The following DLGAP1 variants were observed in gnomAD, a reference collection of about 807,000 sequenced individuals.
DLGAP1 encodes the protein DLG associated protein 1.
A neutral mutation model predicts 90.8 loss-of-function variants in DLGAP1; 11 were observed. The observed-to-expected ratio is 0.12, with a 90% CI of 0.08 to 0.20. DLGAP1 has a LOEUF of 0.20. DLGAP1 is among the 10% of genes least tolerant of loss of function. The probability of loss-of-function intolerance (pLI) is 1.00; values close to 1 mark genes in which losing one functional copy is unlikely to be tolerated. For synonymous variants in DLGAP1, 558 were observed against 540.7 expected (o/e 1.03, Z -0.44); for missense variants, 1,050 against 1,333.8 (o/e 0.79, Z 3.31).
At chr18:4,438,731 T>C (rs1433240726) in intron 1 of DLGAP1, among the ~76,000 whole-genome samples, 1 of 152,180 alleles carries the variant, frequency 6.6e-6, no homozygotes, top group Non-Finnish European at 1.5e-5. Flanking sequence ...TTTTGAAATT[T>C]ACCTGATTCC....
chr18:3,632,820 G>A (rs921129664), intron 7 of DLGAP1, among the ~76,000 whole-genome samples: 2 of 151,958 alleles, frequency 1.3e-5, no homozygotes, highest in Non-Finnish European at 2.9e-5. Flanking sequence ...TTTTTGGACC[G>A]TTCAGGTGAT....
In DLGAP1 at chr18:4,008,226, T is replaced by TACACAC. The variant is rs67739004; in HGVS notation, c.-158-3031_-158-3026dup. Among the ~76,000 whole-genome samples, 603 of 147,090 alleles carry TACACAC rather than the reference T, an allele frequency of 4.1e-3. 1 individual carries two copies. The highest frequency in any genetic ancestry group is 6.4e-3 in the Non-Finnish European group (427 of 67,010). ...ATGTAAATAAATAAATATATATATA[T>TACACAC]ACACACACACACACACACACACACT... On this transcript the variant is annotated intron_variant, in intron 2 of 12. Coordinates refer to ENST00000315677, the MANE Select transcript of DLGAP1 (RefSeq NM_004746.4).
intron 2 of DLGAP1, among the ~76,000 whole-genome samples, chr18:4,137,878 C>T (rs185713443): frequency 6.6e-6 from 1 of 151,964 alleles, no homozygotes; most frequent in Admixed American, 6.6e-5. Flanking sequence ...CTGTCACTTG[C>T]AACAGGGATT....
chr18:3,831,744 A>C (rs1228908420), intron 4 of DLGAP1, among the ~76,000 whole-genome samples: 2 of 152,210 alleles, frequency 1.3e-5, no homozygotes, highest in East Asian at 3.9e-4. Flanking sequence ...AGTTCATCAC[A>C]CTGCAACTAT....
intron 10 of DLGAP1, among the ~76,000 whole-genome samples, chr18:3,524,179 G>A (rs1467446805): frequency 6.6e-6 from 1 of 152,004 alleles, no homozygotes; most frequent in South Asian, 2.1e-4. Flanking sequence ...GGAGACTGAG[G>A]TGGGAGAACT....
chr18:4,170,345 T>C (rs557861826), intron 1 of DLGAP1, among the ~76,000 whole-genome samples: 16 of 152,106 alleles, frequency 1.1e-4, no homozygotes, highest in South Asian at 8.3e-4. Context: ...TAAGCTCAAG[T>C]GTTAGGTCGG....
In DLGAP1 at chr18:4,241,978, T is replaced by C. The variant is rs369894750; in HGVS notation, c.-266-90691A>G. Among the ~76,000 whole-genome samples the C allele has an allele frequency of 2.6e-5, 4 of 152,228 alleles. No individual in the cohort carries two copies. The East Asian group carries it at 7.7e-4, about 29-fold the overall frequency. ...ACATTGTGGAAAGGGTAAATCAAGC[T>C]ATCCCTTATAGTCATTTATCTGGGA... On this transcript the variant is annotated intron_variant, in intron 1 of 12. Coordinates refer to ENST00000315677, the MANE Select transcript of DLGAP1 (RefSeq NM_004746.4).
chr18:4,006,456 C>T lies in DLGAP1; in HGVS notation c.-158-1255G>A, dbSNP rs370333137. Among the ~76,000 whole-genome samples the T allele has an allele frequency of 3.1e-4, 47 of 152,300 alleles. 3 individuals carry two copies. The South Asian group carries it at 3.9e-3, about 13-fold the overall frequency. On this transcript the variant is annotated intron_variant, in intron 2 of 12. Coordinates refer to ENST00000315677, the MANE Select transcript of DLGAP1 (RefSeq NM_004746.4). The stretch of plus-strand genomic sequence containing the variant: ...CAAGAAAACTACCACTCTGTTCTCA[C>T]CAACGAGTATAAAGTTGTTTGTTTC...
chr18:4,255,849 TTA>T (rs1348200055), intron 1 of DLGAP1, among the ~76,000 whole-genome samples: 2 of 152,192 alleles, frequency 1.3e-5, no homozygotes, highest in African/African-American at 4.8e-5. Flanking sequence ...ACATAAAATA[TTA>T]GAGATATTTT....
At chr18:4,110,893 C>A (rs2075960546) in intron 2 of DLGAP1, among the ~76,000 whole-genome samples, 1 of 152,184 alleles carries the variant, frequency 6.6e-6, no homozygotes, top group Admixed American at 6.5e-5. Flanking sequence ...GCCCATCTTG[C>A]CTCACTGGCC....
intron 1 of DLGAP1, among the ~76,000 whole-genome samples, chr18:4,315,671 T>G (rs376800712): frequency 1.3e-3 from 192 of 152,330 alleles, no homozygotes; most frequent in Middle Eastern, 6.8e-3. Context: ...TTTTGCAAAC[T>G]TAAACTAATG....
chr18:3,913,947 A>G (rs1245644252), intron 3 of DLGAP1, among the ~76,000 whole-genome samples: 1 of 152,256 alleles, frequency 6.6e-6, no homozygotes, highest in Non-Finnish European at 1.5e-5. Context: ...GAAACTGATT[A>G]CATTTTACTT....
intron 2 of DLGAP1, among the ~76,000 whole-genome samples, chr18:4,094,955 G>C (rs2075652907): frequency 1.3e-5 from 2 of 152,028 alleles, no homozygotes; most frequent in Admixed American, 6.6e-5. Flanking sequence ...TATCTTTTTA[G>C]TAGGATTACA....
intron 1 of DLGAP1, among the ~76,000 whole-genome samples, chr18:4,403,605 A>G (rs966228790): frequency 2.6e-5 from 4 of 152,206 alleles, no homozygotes; most frequent in Non-Finnish European, 4.4e-5. Context: ...ATTATAAATT[A>G]TATTTTAAGA....
In DLGAP1 at chr18:3,639,824, G is replaced by T. The variant is rs539093320; in HGVS notation, c.1592-57576C>A. 1.6e-4 allele frequency among the ~76,000 whole-genome samples: 22 copies of T among 136,032 alleles called. 1 individual carries two copies. Among genetic ancestry groups the T allele is most frequent in the South Asian group, 1.1e-3 (5 of 4,428 alleles). 89.2% of individuals were successfully genotyped at this position (136,032 alleles called of 152,430 possible). A position where few individuals can be genotyped will look rare whatever the true frequency, so the allele number is the denominator to read the frequency against. On this transcript the variant is annotated intron_variant, in intron 7 of 12. Coordinates refer to ENST00000315677, the MANE Select transcript of DLGAP1 (RefSeq NM_004746.4). ...GGCTGGAGTGCAGTGGCGCGATCTC[G>T]GCTCACTGCAAGCTCCGCCTCCTGG...
chr18:4,120,541 A>G (rs2076135210), intron 2 of DLGAP1, among the ~76,000 whole-genome samples: 1 of 152,200 alleles, frequency 6.6e-6, no homozygotes, highest in Non-Finnish European at 1.5e-5. Context: ...GACAGGTAAG[A>G]ACGAGATTGG....
At position 4,166,299 on chromosome 18, in the gene DLGAP1, T is replaced by G. The variant is rs182050058; in HGVS notation, c.-266-15012A>C. Reference sequence around the variant, plus strand: ...TCAATATCACTAAACACTAGGGAAATGAAAATCAAAACCACAATGAGTTAC... The same window carrying G: ...TCAATATCACTAAACACTAGGGAAAGGAAAATCAAAACCACAATGAGTTAC... On this transcript the variant is annotated intron_variant, in intron 1 of 12. Coordinates refer to ENST00000315677, the MANE Select transcript of DLGAP1 (RefSeq NM_004746.4). Among the ~76,000 whole-genome samples, 8 of 152,058 alleles carry G rather than the reference T, an allele frequency of 5.3e-5. No individual in the cohort carries two copies. In the East Asian group the frequency reaches 1.5e-3, roughly 29 times the overall value.
At position 3,727,922 on chromosome 18, in the gene DLGAP1, C is replaced by T. The variant is rs1034699802; in HGVS notation, c.1591+1213G>A. The T allele has an allele frequency of 6.6e-6, 1 of 152,104 alleles. No homozygotes were observed. The highest frequency in any genetic ancestry group is 1.9e-4 in the East Asian group (1 of 5,192). 9.4% of individuals were successfully genotyped at this position (152,104 alleles called of 1,614,324 possible). ...GGTCTGGAAGCATCTCTTCTCCTAA[C>T]ACTGAGATTTCAGTCTGCGGTGGTC... On this transcript the variant is annotated intron_variant, in intron 7 of 12. Transcript: ENST00000315677. This position sits in a 1 kb window ranked among gnomAD's most constrained non-coding sequence, Gnocchi z 4.7.
chr18:4,260,859 T>C (rs918009557), intron 1 of DLGAP1, among the ~76,000 whole-genome samples: 27 of 152,130 alleles, frequency 1.8e-4, no homozygotes, highest in African/African-American at 5.6e-4. Context: ...TTAAACAAAA[T>C]GGAAAAACAT....
Sources: gnomAD v4.1 joint callset for allele counts (sites outside exome capture counted in the v4.1 genomes callset) on GRCh38, gnomAD v4.1.1 for gene constraint, Gnocchi (gnomAD v3.1) non-coding constraint, MANE v1.5 for transcripts, NCBI Gene and HGNC (gene_info 2026-07-23, HGNC 2026-07-21) for gene names.